DNAAF11: variants seen among roughly 807,000 people sequenced by gnomAD.
DNAAF11 encodes the protein dynein axonemal assembly factor 11, also known as leucine rich repeat containing 6.
Under a neutral mutation model 60.8 loss-of-function variants are expected in DNAAF11, and 45 were observed. The ratio of observed to expected loss-of-function variants is 0.74; its 90% confidence interval spans 0.58 to 0.95. DNAAF11 has a LOEUF of 0.95. DNAAF11 is among the 40% of genes least tolerant of loss of function. The pLI is 0.00. For missense variants in DNAAF11, 546 were observed against 546.2 expected, an observed-to-expected ratio of 1.00 and a Z score of 0.00; for synonymous variants, 191 against 183.5, an observed-to-expected ratio of 1.04 and a Z score of -0.33.
chr8:132,639,829 C>T (rs1821681349), intron 3 of DNAAF11, among the ~76,000 whole-genome samples: 1 of 151,912 alleles, frequency 6.6e-6, no homozygotes, highest in African/African-American at 2.4e-5. Context: ...ATAGATGTTG[C>T]TGAGCAAGCT....
At chr8:132,682,014 C>T in the DNAAF11 span, among the ~76,000 whole-genome samples, 1 of 152,098 alleles carries the variant, frequency 6.6e-6, no homozygotes, top group Non-Finnish European at 1.5e-5. Context: ...AATGTTTGCC[C>T]ATAGTAAGTG....
chr8:132,675,114 A>G (rs1825658761), intron 1 of DNAAF11, among the ~76,000 whole-genome samples: 1 of 152,098 alleles, frequency 6.6e-6, no homozygotes, highest in South Asian at 2.1e-4. Flanking sequence ...GGAGACAGTG[A>G]CTGGCCCACG....
At chr8:132,611,390 A>C in intron 8 of DNAAF11, 27 bp from the exon 9 acceptor site, 1 of 1,363,830 alleles carries the variant, frequency 7.3e-7, no homozygotes, top group Non-Finnish European at 1.0e-6. Context: ...AGAAAATCTT[A>C]TAATTTTAAA....
chr8:132,573,202 T>C lies in DNAAF11; in HGVS notation c.1227-722A>G, dbSNP rs150488129. Reference sequence around the variant, plus strand: ...CAATTTTGATTCAATAAGTCTGGTGTTGGGGCCAGTAACCTGTATTTTTAT... The same window carrying C: ...CAATTTTGATTCAATAAGTCTGGTGCTGGGGCCAGTAACCTGTATTTTTAT... On this transcript the variant is annotated intron_variant, in intron 11 of 11. Transcript: ENST00000620350. 2.8e-3 allele frequency among the ~76,000 whole-genome samples: 430 copies of C among 152,318 alleles called. 3 individuals carry two copies. Among genetic ancestry groups the C allele is most frequent in the Middle Eastern group, 0.017 (5 of 292 alleles).
In DNAAF11 at chr8:132,675,464, G is replaced by C. The variant is rs775336710; in HGVS notation, c.10+20C>G. 6.4e-7 allele frequency: 1 copy of C among 1,563,298 alleles called. No individual in the cohort carries two copies. Among genetic ancestry groups the C allele is most frequent in the Non-Finnish European group, 8.7e-7 (1 of 1,151,112 alleles). Reference sequence around the variant, plus strand: ...TCCACAAGGGGAACGATCGAGGACGGAAGGTGGAGGGGGGCTTACTCCAGC... The same window carrying C: ...TCCACAAGGGGAACGATCGAGGACGCAAGGTGGAGGGGGGCTTACTCCAGC... On this transcript the variant is annotated intron_variant, in intron 1 of 11. Coordinates refer to ENST00000620350, the MANE Select transcript of DNAAF11 (RefSeq NM_012472.6).
At chr8:132,672,058 T>C (rs1161502033) in intron 1 of DNAAF11, among the ~76,000 whole-genome samples, 2 of 152,148 alleles carry the variant, frequency 1.3e-5, no homozygotes, top group Non-Finnish European at 2.9e-5. Context: ...AAGGAAAATA[T>C]AAGCCATAGG....
intron 3 of DNAAF11, chr8:132,643,430 G>C: frequency 3.0e-6 from 1 of 336,252 alleles, no homozygotes; most frequent in South Asian, 2.5e-5. Flanking sequence ...AAGAAGGCAG[G>C]AGGAGGCAGG....
At chr8:132,649,651 G>T (rs905093736) in intron 3 of DNAAF11, among the ~76,000 whole-genome samples, 3 of 152,080 alleles carry the variant, frequency 2.0e-5, no homozygotes, top group Non-Finnish European at 4.4e-5. Context: ...AATCTACAAA[G>T]AATTTAAAGA....
intron 3 of DNAAF11, among the ~76,000 whole-genome samples, chr8:132,651,313 T>C (rs1485156408): frequency 6.6e-6 from 1 of 151,470 alleles, no homozygotes; most frequent in African/African-American, 2.4e-5. Context: ...TTTTTTGCCA[T>C]CCAAGGAAAA....
chr8:132,599,072 T>TGA (rs1817320664), intron 10 of DNAAF11, among the ~76,000 whole-genome samples: 1 of 151,546 alleles, frequency 6.6e-6, no homozygotes, highest in Non-Finnish European at 1.5e-5. Context: ...ATAGATGCAA[T>TGA]AAAGGATGAT....
chr8:132,678,135 T>C (rs1563731930), upstream of DNAAF11, among the ~76,000 whole-genome samples: 1 of 152,158 alleles, frequency 6.6e-6, no homozygotes, highest in African/African-American at 2.4e-5. Flanking sequence ...ATCTGAGGAA[T>C]GGGAGCACCC....
chr8:132,697,521 G>A, the DNAAF11 span, among the ~76,000 whole-genome samples: 2 of 152,048 alleles, frequency 1.3e-5, no homozygotes, highest in Non-Finnish European at 2.9e-5. Flanking sequence ...GGGAGGCTGA[G>A]GAAGGAGAAT....
chr8:132,649,866 C>G (rs1822821479), intron 3 of DNAAF11, among the ~76,000 whole-genome samples: 1 of 152,170 alleles, frequency 6.6e-6, no homozygotes, highest in African/African-American at 2.4e-5. Context: ...CATCAAGAAA[C>G]AACAGGTGCT....
At chr8:132,599,903 G>A (rs1347073451) in intron 10 of DNAAF11, among the ~76,000 whole-genome samples, 1 of 152,136 alleles carries the variant, frequency 6.6e-6, no homozygotes, top group African/African-American at 2.4e-5. Context: ...CTTCAACATA[G>A]TGTTGGAAGT....
chr8:132,589,460 T>C (rs1322092673), intron 10 of DNAAF11, among the ~76,000 whole-genome samples: 1 of 152,232 alleles, frequency 6.6e-6, no homozygotes, highest in African/African-American at 2.4e-5. Flanking sequence ...CGTCCTTATT[T>C]TCCTTAGACA....
At chr8:132,696,072 A>C in the DNAAF11 span, among the ~76,000 whole-genome samples, 4 of 152,174 alleles carry the variant, frequency 2.6e-5, no homozygotes, top group African/African-American at 9.7e-5. Context: ...CAGTTATGGG[A>C]ATGACAAGGT....
chr8:132,659,643 G>T (rs1823933960), intron 2 of DNAAF11, among the ~76,000 whole-genome samples: 1 of 152,092 alleles, frequency 6.6e-6, no homozygotes, highest in South Asian at 2.1e-4. Context: ...AGTTAAAGAT[G>T]CCAAAAATAA....
At chr8:132,611,178 G>A (rs1818626936) in intron 9 of DNAAF11, 116 bp downstream of exon 9, 4 of 659,880 alleles carry the variant, frequency 6.1e-6, no homozygotes, top group South Asian at 2.2e-5. Flanking sequence ...ACAGGCATGA[G>A]CCACTGCGCC....
intron 1 of DNAAF11, among the ~76,000 whole-genome samples, chr8:132,664,815 G>C (rs546251222): frequency 6.6e-6 from 1 of 152,078 alleles, no homozygotes; most frequent in South Asian, 2.1e-4. Flanking sequence ...ATCACTTCAT[G>C]CAACTGTCAA....
Sources: allele counts gnomAD v4.1 joint callset (sites outside exome capture counted in the v4.1 genomes callset), GRCh38; gene constraint gnomAD v4.1.1; transcripts MANE v1.5; gene names NCBI Gene and HGNC (gene_info 2026-07-23, HGNC 2026-07-21).